COL25A1: variants seen among roughly 807,000 people sequenced by gnomAD.
COL25A1 encodes collagen type XXV alpha 1 chain.
A neutral mutation model predicts 128.4 loss-of-function variants in COL25A1; 103 were observed. The observed-to-expected ratio is 0.80, with a 90% CI of 0.68 to 0.94. The LOEUF is 0.94. COL25A1 is among the 40% of genes least tolerant of loss of function. COL25A1 has a pLI of 0.00. For synonymous variants in COL25A1, 279 were observed against 277.2 expected (o/e 1.01, Z -0.06); for missense variants, 745 against 840.0 (o/e 0.89, Z 1.40).
intron 3 of COL25A1, among the ~76,000 whole-genome samples, chr4:109,241,970 C>G (rs1354179824): frequency 6.6e-6 from 1 of 151,878 alleles, no homozygotes; most frequent in Non-Finnish European, 1.5e-5. Context: ...CAAGACTTGA[C>G]TTTTCTCCAC....
intron 19 of COL25A1, among the ~76,000 whole-genome samples, chr4:108,870,890 C>A (rs1055923480): frequency 1.3e-5 from 2 of 151,908 alleles, no homozygotes; most frequent in South Asian, 4.2e-4. Context: ...TGTATATATT[C>A]AAGTGAAAAT....
chr4:109,248,439 C>T (rs976105449), intron 3 of COL25A1, among the ~76,000 whole-genome samples: 1 of 152,112 alleles, frequency 6.6e-6, no homozygotes, highest in Non-Finnish European at 1.5e-5. Context: ...TTCCAGCCAC[C>T]CATTCAACTG....
intron 19 of COL25A1, among the ~76,000 whole-genome samples, chr4:108,880,537 A>C (rs1739994125): frequency 6.6e-6 from 1 of 152,232 alleles, no homozygotes; most frequent in African/African-American, 2.4e-5. Flanking sequence ...CAAAAGAAAG[A>C]GATAACAATA....
intron 3 of COL25A1, among the ~76,000 whole-genome samples, chr4:109,265,530 T>TGTGC (rs1781729212): frequency 6.9e-6 from 1 of 144,506 alleles, no homozygotes; most frequent in Non-Finnish European, 1.5e-5. Flanking sequence ...TGTGTGTGTG[T>TGTGC]GTGTGTGTGT....
intron 3 of COL25A1, among the ~76,000 whole-genome samples, chr4:109,145,574 C>T (rs1467167437): frequency 1.3e-5 from 2 of 152,212 alleles, no homozygotes; most frequent in Non-Finnish European, 2.9e-5. Context: ...AGCAATGGCT[C>T]ACGCCTGCAA....
intron 32 of COL25A1, among the ~76,000 whole-genome samples, 174 bp downstream of exon 32, chr4:108,832,206 T>C (rs1733205246): frequency 6.6e-6 from 1 of 152,228 alleles, no homozygotes; most frequent in Non-Finnish European, 1.5e-5. Flanking sequence ...TTATGCTCTG[T>C]GGTTTTCTTC....
chr4:108,976,018 C>A (rs1344222980), intron 6 of COL25A1, among the ~76,000 whole-genome samples: 1 of 152,126 alleles, frequency 6.6e-6, no homozygotes, highest in Non-Finnish European at 1.5e-5. Context: ...CATTCTCTTA[C>A]AGGTGTTTTT....
chr4:109,071,260 C>A (rs1293217177), intron 3 of COL25A1, among the ~76,000 whole-genome samples: 1 of 152,166 alleles, frequency 6.6e-6, no homozygotes, highest in Non-Finnish European at 1.5e-5. Flanking sequence ...AAAGCTGAAA[C>A]TGGATCCCTT....
At chr4:109,185,055 T>G (rs1248851715) in intron 3 of COL25A1, among the ~76,000 whole-genome samples, 3 of 152,164 alleles carry the variant, frequency 2.0e-5, no homozygotes, top group African/African-American at 7.2e-5. Flanking sequence ...AAAGAAAGTG[T>G]TGTGAGCAGT....
At chr4:109,226,028 C>A (rs1036539737) in intron 3 of COL25A1, among the ~76,000 whole-genome samples, 5 of 145,826 alleles carry the variant, frequency 3.4e-5, no homozygotes, top group African/African-American at 1.0e-4. Context: ...CACACACACA[C>A]AACGGAATAC....
At chr4:109,021,724 T>C (rs1408283940) in intron 5 of COL25A1, 1 of 453,402 alleles carries the variant, frequency 2.2e-6, no homozygotes, top group Non-Finnish European at 4.4e-6. Context: ...CAAATTCTTT[T>C]CCTAGCAAGG....
chr4:108,939,626 A>G (rs1325278649), intron 10 of COL25A1, among the ~76,000 whole-genome samples: 3 of 152,172 alleles, frequency 2.0e-5, no homozygotes, highest in Non-Finnish European at 4.4e-5. Context: ...TTTTATTTTC[A>G]AAAGTTTCTG....
intron 8 of COL25A1, among the ~76,000 whole-genome samples, chr4:108,966,201 G>C (rs1209990176): frequency 6.6e-6 from 1 of 152,132 alleles, no homozygotes; most frequent in Non-Finnish European, 1.5e-5. Context: ...TTACTATGTG[G>C]TGATCATTCA....
intron 20 of COL25A1, among the ~76,000 whole-genome samples, chr4:108,866,563 T>A (rs1737951181): frequency 6.6e-6 from 1 of 152,234 alleles, no homozygotes. Context: ...AGATGCAGCA[T>A]GTTTTGATGC....
intron 3 of COL25A1, among the ~76,000 whole-genome samples, chr4:109,186,213 A>G (rs1553953896): frequency 1.3e-5 from 2 of 152,198 alleles, no homozygotes; most frequent in Non-Finnish European, 1.5e-5. Context: ...AAACGACTCC[A>G]ATTCTTGGTC....
chr4:108,930,600 C>A (rs1196678490), intron 11 of COL25A1, among the ~76,000 whole-genome samples: 3 of 152,162 alleles, frequency 2.0e-5, no homozygotes, highest in Non-Finnish European at 4.4e-5. Flanking sequence ...GAGGCTGAGT[C>A]TTATAAAGTT....
intron 23 of COL25A1, among the ~76,000 whole-genome samples, chr4:108,860,572 CCT>C (rs1491405190): frequency 2.0e-5 from 3 of 151,814 alleles, no homozygotes; most frequent in Non-Finnish European, 4.4e-5. Flanking sequence ...GTCATAATTC[CCT>C]TTTTTTTTAA....
At chr4:108,949,255 C>T (rs1749120861) in intron 8 of COL25A1, among the ~76,000 whole-genome samples, 1 of 152,120 alleles carries the variant, frequency 6.6e-6, no homozygotes, top group Admixed American at 6.5e-5. Flanking sequence ...CTTAGGGTTT[C>T]TTAATAATAG....
chr4:108,937,665 A>G, intron 11 of COL25A1, 143 bp downstream of exon 11: 1 of 580,822 alleles, frequency 1.7e-6, no homozygotes, highest in East Asian at 3.1e-5. Context: ...AGCATGTAGT[A>G]GGCCATATTA....
Sources: allele counts gnomAD v4.1 joint callset (sites outside exome capture counted in the v4.1 genomes callset), GRCh38; gene constraint gnomAD v4.1.1; transcripts MANE v1.5; gene names NCBI Gene and HGNC (gene_info 2026-07-23, HGNC 2026-07-21).